The following NPIPA1 variants were observed in gnomAD, a reference collection of about 807,000 sequenced individuals.
The protein encoded by NPIPA1 is nuclear pore complex interacting protein family member A1.
For synonymous variants in NPIPA1, 7 were observed against 88.0 expected (o/e 0.08, Z 5.15); for missense variants, 22 against 232.2 (o/e 0.09, Z 5.88).
intron 4 of NPIPA1, among the ~76,000 whole-genome samples, chr16:14,946,688 A>ATTTTT (rs57059259): frequency 1.1e-5 from 1 of 89,980 alleles, no homozygotes; most frequent in Non-Finnish European, 2.1e-5. Context: ...CATTCGGCCA[A>ATTTTT]TTTTTTTTTT....
intron 2 of NPIPA1, among the ~76,000 whole-genome samples, chr16:14,942,873 G>A (rs1164707113): frequency 6.6e-6 from 1 of 152,274 alleles, no homozygotes; most frequent in African/African-American, 2.4e-5. Flanking sequence ...TGCCATTCAT[G>A]ACAGTAAAAA....
chr16:14,943,221 A>C (rs1263107354), intron 2 of NPIPA1, among the ~76,000 whole-genome samples: 1 of 150,672 alleles, frequency 6.6e-6, no homozygotes, highest in African/African-American at 2.4e-5. Context: ...TAATGGTGTG[A>C]TCTCGGCTCA....
intron 2 of NPIPA1, among the ~76,000 whole-genome samples, chr16:14,943,903 C>G (rs1282767100): frequency 6.6e-6 from 1 of 151,794 alleles, no homozygotes; most frequent in Non-Finnish European, 1.5e-5. Context: ...AATCCCAGCA[C>G]TTTGGGAGGC....
intron 5 of NPIPA1, chr16:14,949,643 G>T: frequency 1.6e-6 from 1 of 610,738 alleles, no homozygotes; most frequent in Non-Finnish European, 2.8e-6. Flanking sequence ...TGTCACCCAG[G>T]CTGGAGTGCA....
chr16:14,950,573 T>G (rs1965988853), intron 7 of NPIPA1: 1 of 1,333,328 alleles, frequency 7.5e-7, no homozygotes, highest in African/African-American at 1.5e-5. Flanking sequence ...AATGAGGGCC[T>G]TAAATGATGC....
At chr16:14,938,010 T>TCTC (rs1965657469) in intron 1 of NPIPA1, among the ~76,000 whole-genome samples, 1 of 143,936 alleles carries the variant, frequency 6.9e-6, no homozygotes, top group South Asian at 2.4e-4. Context: ...ACCCCTTTCT[T>TCTC]CTTCTCCTCC....
intron 2 of NPIPA1, among the ~76,000 whole-genome samples, chr16:14,943,784 T>C (rs1346678382): frequency 6.6e-6 from 1 of 152,104 alleles, no homozygotes; most frequent in Non-Finnish European, 1.5e-5. Flanking sequence ...CTTGAAATCC[T>C]AGTACATGAT....
At chr16:14,938,185 C>T (rs1965667021) in intron 1 of NPIPA1, 1 of 1,484,418 alleles carries the variant, frequency 6.7e-7, no homozygotes, top group Non-Finnish European at 9.0e-7. Context: ...CTGTCCTGGC[C>T]ACCTCCGGGT....
intron 1 of NPIPA1, among the ~76,000 whole-genome samples, chr16:14,940,406 A>C (rs1253782576): frequency 6.6e-6 from 1 of 152,172 alleles, no homozygotes; most frequent in Non-Finnish European, 1.5e-5. Flanking sequence ...AAAACAAATA[A>C]CTAAAGAAAA....
chr16:14,940,311 T>C (rs975943863), intron 1 of NPIPA1, among the ~76,000 whole-genome samples: 4 of 149,600 alleles, frequency 2.7e-5, no homozygotes, highest in African/African-American at 7.4e-5. Flanking sequence ...AAGATTCATA[T>C]AATCCAAGAG....
intron 1 of NPIPA1, among the ~76,000 whole-genome samples, chr16:14,938,889 C>T (rs1344176191): frequency 1.9e-4 from 29 of 149,344 alleles, no homozygotes; most frequent in African/African-American, 5.9e-4. Flanking sequence ...CAACGCCTGG[C>T]TAATTTTTGT....
At chr16:14,944,816 G>A (rs1334838359) in intron 2 of NPIPA1, among the ~76,000 whole-genome samples, 1 of 150,746 alleles carries the variant, frequency 6.6e-6, no homozygotes, top group African/African-American at 2.4e-5. Context: ...ATGTTGCCCA[G>A]GATGGTCTCC....
chr16:14,945,289 A>G (rs1285893779), intron 2 of NPIPA1, among the ~76,000 whole-genome samples: 1 of 140,404 alleles, frequency 7.1e-6, no homozygotes, highest in Non-Finnish European at 1.5e-5. Context: ...TCATTCTGTC[A>G]CTCAGGCTGG....
intron 4 of NPIPA1, among the ~76,000 whole-genome samples, chr16:14,946,520 G>T (rs1211539557): frequency 2.7e-5 from 4 of 148,068 alleles, no homozygotes; most frequent in Non-Finnish European, 4.5e-5. Flanking sequence ...CCACACCCAG[G>T]CTTTTTTTTT....
At position 14,945,252 on chromosome 16, in the gene NPIPA1, G is replaced by T. The variant is rs1965857843; in HGVS notation, c.193-322G>T. ...GGTGTGTGTGTGTGTGTGTGTGTGT[G>T]TGTGTGTGTGTGTGTGAGACAGAGT... On this transcript the variant is annotated intron_variant, in intron 2 of 7. Coordinates refer to ENST00000328085, the MANE Select transcript of NPIPA1 (RefSeq NM_006985.4). 2.0e-5 allele frequency among the ~76,000 whole-genome samples: 3 copies of T among 148,286 alleles called. No homozygotes were observed. In the Admixed American group the frequency reaches 2.0e-4, roughly 10 times the overall value.
chr16:14,940,467 G>C (rs1965723418), intron 1 of NPIPA1, among the ~76,000 whole-genome samples: 2 of 151,346 alleles, frequency 1.3e-5, no homozygotes, highest in Non-Finnish European at 2.9e-5. Context: ...CCAGCACTTT[G>C]GGAGGCCGAG....
At chr16:14,945,227 G>GTTGA (rs748459839) in intron 2 of NPIPA1, among the ~76,000 whole-genome samples, 2 of 137,748 alleles carry the variant, frequency 1.5e-5, no homozygotes, top group South Asian at 2.4e-4. Flanking sequence ...ATTCTTGTGT[G>GTTGA]GTGTGTGTGT....
At chr16:14,942,771 T>C (rs1157269660) in intron 2 of NPIPA1, among the ~76,000 whole-genome samples, 1 of 152,262 alleles carries the variant, frequency 6.6e-6, no homozygotes, top group Admixed American at 6.5e-5. Flanking sequence ...GTCAAAAGTC[T>C]GTACTTGGTA....
chr16:14,941,214 G>T (rs949119249), intron 1 of NPIPA1, among the ~76,000 whole-genome samples: 1 of 150,336 alleles, frequency 6.7e-6, no homozygotes, highest in Non-Finnish European at 1.5e-5. Flanking sequence ...GAGGCAGGCA[G>T]ATCGCCTGTC....
Sources: allele counts gnomAD v4.1 joint callset (sites outside exome capture counted in the v4.1 genomes callset), GRCh38; gene constraint gnomAD v4.1.1; transcripts MANE v1.5; gene names NCBI Gene and HGNC (gene_info 2026-07-23, HGNC 2026-07-21).